FUT9: variants seen among roughly 807,000 people sequenced by gnomAD.
FUT9 encodes the protein 4-galactosyl-N-acetylglucosaminide 3-alpha-L-fucosyltransferase 9.
FUT9 carries 15 observed loss-of-function variants against 29.7 expected under a neutral mutation model. That is an observed-to-expected ratio of 0.51 (90% CI 0.34 to 0.78). The LOEUF (loss-of-function observed/expected upper bound fraction) is 0.78, where lower values mean the gene tolerates loss of function less well. Among genes scored for constraint, FUT9 ranks in the 30% least tolerant of loss-of-function variants. The probability of loss-of-function intolerance (pLI) is 0.01; values close to 1 mark genes in which losing one functional copy is unlikely to be tolerated. For missense variants in FUT9, 319 were observed against 425.4 expected (o/e 0.75, Z 2.20); for synonymous variants, 169 against 153.7 (o/e 1.10, Z -0.74).
intron 2 of FUT9, among the ~76,000 whole-genome samples, chr6:96,154,663 TG>T (rs1772742329): frequency 6.6e-6 from 1 of 152,222 alleles, no homozygotes; most frequent in Non-Finnish European, 1.5e-5. Flanking sequence ...TAACTTTTTT[TG>T]TGCCTGCAAA....
chr6:96,029,192 A>G (rs1582179767), intron 1 of FUT9, among the ~76,000 whole-genome samples: 1 of 151,600 alleles, frequency 6.6e-6, no homozygotes, highest in African/African-American at 2.4e-5. Flanking sequence ...AATTATTATT[A>G]TCTAAATTAT....
intron 2 of FUT9, among the ~76,000 whole-genome samples, chr6:96,132,560 A>G (rs1038579217): frequency 2.0e-5 from 3 of 152,090 alleles, no homozygotes; most frequent in Admixed American, 2.0e-4. Flanking sequence ...TTGTCCCTGG[A>G]CTGACACCAA....
chr6:96,081,394 T>C (rs1025339707), intron 1 of FUT9, among the ~76,000 whole-genome samples: 2 of 151,872 alleles, frequency 1.3e-5, no homozygotes, highest in African/African-American at 4.8e-5. Context: ...TAGTATTGTA[T>C]ATATTTTTCT....
At chr6:96,114,189 C>T (rs1193754845) in intron 2 of FUT9, 62 bp downstream of exon 2, 11 of 152,048 alleles carry the variant, frequency 7.2e-5, no homozygotes, top group Non-Finnish European at 1.0e-4. Flanking sequence ...TCACTTAGAA[C>T]TTATAGATGA....
rs1275458244 is a variant in FUT9 at position 96,203,345 on chromosome 6, A to C, written c.190A>C (p.Thr64Pro). ...CACCAAAACTGATTATTTTAATGAA[A>C]CTACTATTCTGGTGTGGGTGTGGCC... Reference protein sequence around the residue: ...FSTKTDYFNETTILVWVWPFG... With the variant: ...FSTKTDYFNEPTILVWVWPFG... The change falls in exon 3 of 3, where the codon ACT becomes CCT. Residue 64 changes from threonine (T) to proline (P), a missense_variant. Transcript: ENST00000302103. The C allele has an allele frequency of 6.2e-7, 1 of 1,613,756 alleles. No homozygotes were observed. Among genetic ancestry groups the C allele is most frequent in the South Asian group, 1.1e-5 (1 of 91,068 alleles).
chr6:96,203,947 C>G lies in FUT9; in HGVS notation c.792C>G (p.Gly264=). ...TEKLYNAFLA[G]SVPVVLGPSR... The stretch of plus-strand genomic sequence containing the variant: ...AGCTATACAATGCTTTTCTGGCTGG[C>G]TCTGTACCTGTTGTTCTGGGACCAT... The change falls in exon 3 of 3, where the codon GGC becomes GGG. Residue 264 remains glycine, a synonymous_variant. Transcript: ENST00000302103. 1 of 1,613,196 alleles carries G rather than the reference C, an allele frequency of 6.2e-7. No individual in the cohort carries two copies. The highest frequency in any genetic ancestry group is 8.5e-7 in the Non-Finnish European group (1 of 1,179,374).
chr6:96,176,472 G>A (rs575741605), intron 2 of FUT9, among the ~76,000 whole-genome samples: 2 of 152,134 alleles, frequency 1.3e-5, no homozygotes, highest in Admixed American at 1.3e-4. Context: ...AGCAGTCATA[G>A]ACAATGTAGA....
At chr6:96,127,537 T>A (rs943541319) in intron 2 of FUT9, among the ~76,000 whole-genome samples, 3 of 152,178 alleles carry the variant, frequency 2.0e-5, no homozygotes, top group African/African-American at 7.2e-5. Context: ...ATTATTTATC[T>A]TTGTTTAGTT....
chr6:96,028,297 T>G (rs1460325220), intron 1 of FUT9, among the ~76,000 whole-genome samples: 1 of 151,624 alleles, frequency 6.6e-6, no homozygotes, highest in Non-Finnish European at 1.5e-5. Context: ...ATAACTGGGT[T>G]CAAATTCTTA....
At chr6:96,118,401 T>C (rs1771955028) in intron 2 of FUT9, among the ~76,000 whole-genome samples, 1 of 152,114 alleles carries the variant, frequency 6.6e-6, no homozygotes, top group Non-Finnish European at 1.5e-5. Flanking sequence ...AGTGGTCCCA[T>C]TAGATTATAA....
chr6:96,195,315 T>C (rs1773603760), intron 2 of FUT9, among the ~76,000 whole-genome samples: 1 of 147,784 alleles, frequency 6.8e-6, no homozygotes, highest in African/African-American at 2.4e-5. Context: ...GTGTTGGTGA[T>C]CAAAATTGGT....
chr6:96,166,723 C>G (rs984944942), intron 2 of FUT9, among the ~76,000 whole-genome samples: 3 of 152,076 alleles, frequency 2.0e-5, no homozygotes, highest in African/African-American at 7.2e-5. Context: ...GTTTAAGGAT[C>G]TCCCACTGAT....
In FUT9 at chr6:96,188,922, A is replaced by C. The variant is rs867283372; in HGVS notation, c.-8-14226A>C. ...ACTAGGGACTGGAATCTGAGTAAAA[A>C]CGCCCAATCTTTGCCTTATGAGCCT... is the stretch of plus-strand genomic sequence containing the variant. On this transcript the variant is annotated intron_variant, in intron 2 of 2. Coordinates refer to ENST00000302103, the MANE Select transcript of FUT9 (RefSeq NM_006581.4). Among the ~76,000 whole-genome samples the C allele has an allele frequency of 2.0e-5, 3 of 152,066 alleles. No individual in the cohort carries two copies. The Middle Eastern group carries it at 0.01, about 521-fold the overall frequency.
At chr6:96,193,459 T>C (rs1582300854) in intron 2 of FUT9, among the ~76,000 whole-genome samples, 1 of 146,852 alleles carries the variant, frequency 6.8e-6, no homozygotes, top group African/African-American at 2.5e-5. Context: ...AAAATGCTCA[T>C]CATCACTGGC....
chr6:96,087,017 C>T (rs1192424005), intron 1 of FUT9, among the ~76,000 whole-genome samples: 1 of 152,136 alleles, frequency 6.6e-6, no homozygotes, highest in Non-Finnish European at 1.5e-5. Context: ...ACATGGGGAT[C>T]AGCAAGGAGA....
At chr6:96,140,073 A>T (rs973614605) in intron 2 of FUT9, among the ~76,000 whole-genome samples, 6 of 152,162 alleles carry the variant, frequency 3.9e-5, no homozygotes, top group Non-Finnish European at 8.8e-5. Context: ...TGCCACCTAG[A>T]AATTTCTTCC....
chr6:96,145,175 A>G (rs1772542989), intron 2 of FUT9, among the ~76,000 whole-genome samples: 1 of 152,174 alleles, frequency 6.6e-6, no homozygotes, highest in African/African-American at 2.4e-5. Context: ...CTCCTGCCTT[A>G]GCCTCCTGAG....
chr6:96,101,420 G>T (rs569494994), intron 1 of FUT9, among the ~76,000 whole-genome samples: 1 of 151,728 alleles, frequency 6.6e-6, no homozygotes, highest in East Asian at 2.0e-4. Context: ...GGGCTGGGGG[G>T]TGCCTGTAAT....
At chr6:96,064,290 G>T (rs143131815) in intron 1 of FUT9, among the ~76,000 whole-genome samples, 193 of 152,244 alleles carry the variant, frequency 1.3e-3, no homozygotes, top group African/African-American at 4.5e-3. Context: ...TTAGTACTGA[G>T]ACCCAGCCTG....
Sources: gnomAD v4.1 joint callset for allele counts (sites outside exome capture counted in the v4.1 genomes callset) on GRCh38, gnomAD v4.1.1 for gene constraint, MANE v1.5 for transcripts, NCBI Gene and HGNC (gene_info 2026-07-23, HGNC 2026-07-21) for gene names.